The following CDH13 variants were observed in gnomAD, a reference collection of about 807,000 sequenced individuals.
CDH13 encodes the protein cadherin 13.
CDH13 carries 24 observed loss-of-function variants against 63.8 expected under a neutral mutation model. That is an observed-to-expected ratio of 0.38 (90% confidence interval 0.27 to 0.53). The LOEUF is 0.53. CDH13 is among the 20% of genes least tolerant of loss of function. The pLI is 0.85. For missense variants in CDH13, 1,049 were observed against 903.1 expected, an observed-to-expected ratio of 1.16 and a Z score of -2.07; for synonymous variants, 503 against 355.3, an observed-to-expected ratio of 1.42 and a Z score of -4.67.
rs139214983 is a variant in CDH13, at chr16:83,777,339, C to T, written c.1682-2629C>T. Among the ~76,000 whole-genome samples the T allele has an allele frequency of 6.0e-3, 917 of 152,332 alleles. 5 individuals carry two copies. The highest frequency in any genetic ancestry group is 1.0e-2 in the Non-Finnish European group (680 of 68,034). ...CATGCCATCCTCAGTGCCCTCAGCTCTGGAGGAGCAGCTCCACCACGGCAC... is the reference window on the plus strand; with the variant it reads ...CATGCCATCCTCAGTGCCCTCAGCTTTGGAGGAGCAGCTCCACCACGGCAC... On this transcript the variant is annotated intron_variant, in intron 11 of 13. Coordinates refer to ENST00000567109, the MANE Select transcript of CDH13 (RefSeq NM_001257.5).
chr16:83,033,537 A>G (rs1275955431), intron 3 of CDH13, among the ~76,000 whole-genome samples: 1 of 152,214 alleles, frequency 6.6e-6, no homozygotes, highest in East Asian at 1.9e-4. Flanking sequence ...GTGTGTATAT[A>G]CATACACATG....
intron 2 of CDH13, among the ~76,000 whole-genome samples, chr16:82,896,408 C>G (rs12448910): frequency 1.3e-5 from 2 of 149,832 alleles, no homozygotes; most frequent in African/African-American, 4.9e-5. Context: ...CCTCCCACCT[C>G]TCATCCTCCT....
At chr16:83,099,360 G>A (rs1025163648) in intron 3 of CDH13, among the ~76,000 whole-genome samples, 1 of 151,926 alleles carries the variant, frequency 6.6e-6, no homozygotes, top group African/African-American at 2.4e-5. Flanking sequence ...TTTCACTCTT[G>A]TCACCCAGGC....
intron 6 of CDH13, among the ~76,000 whole-genome samples, chr16:83,435,442 G>C (rs975602001): frequency 1.3e-5 from 2 of 152,082 alleles, no homozygotes; most frequent in African/African-American, 4.8e-5. Flanking sequence ...GCTCCCCGTT[G>C]CCCCAAAGCA....
chr16:83,285,119 G>C (rs917559906), intron 5 of CDH13, among the ~76,000 whole-genome samples: 1 of 152,008 alleles, frequency 6.6e-6, no homozygotes, highest in South Asian at 2.1e-4. Context: ...AGTACATTTT[G>C]TCTGGAGGAC....
intron 2 of CDH13, among the ~76,000 whole-genome samples, chr16:82,911,174 G>A (rs553917738): frequency 2.0e-5 from 3 of 152,260 alleles, no homozygotes; most frequent in Admixed American, 6.5e-5. Context: ...TAGTTTCCCC[G>A]AGCGCTGAAA....
At chr16:83,235,790 T>C (rs1345249455) in intron 5 of CDH13, among the ~76,000 whole-genome samples, 1 of 152,200 alleles carries the variant, frequency 6.6e-6, no homozygotes, top group Non-Finnish European at 1.5e-5. Context: ...ATTTTAAGTG[T>C]TAATACATAG....
intron 8 of CDH13, among the ~76,000 whole-genome samples, chr16:83,667,659 C>G (rs566416131): frequency 5.4e-4 from 82 of 152,104 alleles, no homozygotes; most frequent in Non-Finnish European, 9.0e-4. Flanking sequence ...CTTCACATCA[C>G]AAAAATAATT....
intron 3 of CDH13, among the ~76,000 whole-genome samples, chr16:83,119,900 A>T (rs571987467): frequency 6.6e-6 from 1 of 152,366 alleles, no homozygotes; most frequent in African/African-American, 2.4e-5. Context: ...ATACTTATAG[A>T]TATACACATA....
At chr16:83,545,592 T>C (rs1260520891) in intron 7 of CDH13, among the ~76,000 whole-genome samples, 4 of 152,178 alleles carry the variant, frequency 2.6e-5, no homozygotes, top group Non-Finnish European at 5.9e-5. Context: ...GTTGCAGTGA[T>C]GGAATTAAAG....
intron 2 of CDH13, among the ~76,000 whole-genome samples, chr16:82,892,307 C>T (rs1311634668): frequency 6.6e-6 from 1 of 152,206 alleles, no homozygotes; most frequent in Non-Finnish European, 1.5e-5. Context: ...CACATCTATG[C>T]AGCATTTGTG....
At chr16:83,494,037 C>G (rs1294885267) in intron 7 of CDH13, among the ~76,000 whole-genome samples, 1 of 152,168 alleles carries the variant, frequency 6.6e-6, no homozygotes, top group Non-Finnish European at 1.5e-5. Flanking sequence ...ATCAGACAAT[C>G]AGTAGTTACT....
intron 2 of CDH13, among the ~76,000 whole-genome samples, chr16:83,003,784 G>A (rs985652568): frequency 2.6e-5 from 4 of 152,186 alleles, no homozygotes; most frequent in African/African-American, 9.6e-5. Context: ...AATGTTTGCT[G>A]GAAGCAGTTA....
intron 4 of CDH13, among the ~76,000 whole-genome samples, chr16:83,135,400 C>G (rs879865582): frequency 2.6e-5 from 4 of 152,186 alleles, no homozygotes; most frequent in African/African-American, 9.7e-5. Flanking sequence ...GGTCATTTGA[C>G]TCTCATAAGT....
chr16:83,625,095 A>G (rs1280645663), intron 8 of CDH13, among the ~76,000 whole-genome samples: 3 of 152,162 alleles, frequency 2.0e-5, no homozygotes, highest in Non-Finnish European at 4.4e-5. Context: ...AATTGCCATT[A>G]AACATTTACC....
chr16:83,783,150 T>A, intron 12 of CDH13, 104 bp from the exon 13 acceptor site: 1 of 751,768 alleles, frequency 1.3e-6, no homozygotes, highest in Admixed American at 2.2e-5. Context: ...CAATTATAAA[T>A]GAAAATGCAA....
At chr16:83,352,062 G>C (rs913063796) in intron 6 of CDH13, among the ~76,000 whole-genome samples, 9 of 152,170 alleles carry the variant, frequency 5.9e-5, no homozygotes, top group Admixed American at 1.3e-4. Context: ...GGTCATCACT[G>C]GAATTTTAGT....
chr16:83,246,329 C>T (rs543105340), intron 5 of CDH13, among the ~76,000 whole-genome samples: 12 of 152,194 alleles, frequency 7.9e-5, no homozygotes, highest in African/African-American at 2.6e-4. Context: ...CCCCCTGATT[C>T]AGGGGGGGTC....
chr16:83,742,270 G>A (rs918865553), intron 10 of CDH13, among the ~76,000 whole-genome samples: 13 of 152,178 alleles, frequency 8.5e-5, no homozygotes, highest in African/African-American at 2.7e-4. Context: ...GCAGGCCCCA[G>A]TAACCCCCAC....
Sources: allele counts gnomAD v4.1 joint callset (sites outside exome capture counted in the v4.1 genomes callset), GRCh38; gene constraint gnomAD v4.1.1; transcripts MANE v1.5; gene names NCBI Gene and HGNC (gene_info 2026-07-23, HGNC 2026-07-21).